The following CTNND1 variants were observed in gnomAD, a reference collection of about 807,000 sequenced individuals.
The protein encoded by CTNND1 is catenin delta-1.
Under a neutral mutation model 112.1 loss-of-function variants are expected in CTNND1, and 16 were observed. That is an observed-to-expected ratio of 0.14 (90% CI 0.10 to 0.22). CTNND1 has a LOEUF of 0.22. Among genes scored for constraint, CTNND1 ranks in the 10% least tolerant of loss-of-function variants. The probability of loss-of-function intolerance (pLI) is 1.00; values close to 1 mark genes in which losing one functional copy is unlikely to be tolerated. For synonymous variants in CTNND1, 420 were observed against 446.5 expected, an observed-to-expected ratio of 0.94 and a Z score of 0.75; for missense variants, 1,008 against 1,257.0, an observed-to-expected ratio of 0.80 and a Z score of 3.00.
At chr11:57,807,626 A>G (rs397813060) in intron 12 of CTNND1, among the ~76,000 whole-genome samples, 1 of 151,110 alleles carries the variant, frequency 6.6e-6, no homozygotes, top group African/African-American at 2.4e-5. Flanking sequence ...AAAAAAAAAA[A>G]AAAAAGAAAA....
intron 1 of CTNND1, among the ~76,000 whole-genome samples, chr11:57,772,470 T>C (rs1952934317): frequency 6.6e-6 from 1 of 152,170 alleles, no homozygotes; most frequent in Non-Finnish European, 1.5e-5. Flanking sequence ...TTGTTGAGAA[T>C]TCATGGCTTT....
chr11:57,772,915 C>G (rs1046280120), intron 1 of CTNND1, among the ~76,000 whole-genome samples: 1 of 151,966 alleles, frequency 6.6e-6, no homozygotes, highest in African/African-American at 2.4e-5. Context: ...GGCTCTTAAC[C>G]TGGTTACCCT....
intron 1 of CTNND1, among the ~76,000 whole-genome samples, chr11:57,772,360 T>C (rs1457197894): frequency 6.6e-6 from 1 of 152,130 alleles, no homozygotes; most frequent in Non-Finnish European, 1.5e-5. Context: ...AATTTATTGG[T>C]TTGGTTTATG....
At chr11:57,769,662 G>A (rs574843257) in intron 1 of CTNND1, among the ~76,000 whole-genome samples, 3 of 150,746 alleles carry the variant, frequency 2.0e-5, no homozygotes, top group Non-Finnish European at 4.4e-5. Flanking sequence ...TTTCCCTTTA[G>A]GTTTTCCCTT....
Position 57,801,709 on chromosome 11 carries a change from C to T in CTNND1, c.957-24C>T, listed in dbSNP as rs549797388. The stretch of plus-strand genomic sequence containing the variant: ...TAGCCATAATGACTTGATGTATTCT[C>T]TTGGTTCTTCCAAAACTTCTCAGGA... On this transcript the variant is annotated intron_variant, in intron 6 of 20. Coordinates refer to ENST00000399050, the MANE Select transcript of CTNND1 (RefSeq NM_001085458.2). 3 of 1,589,504 alleles carry T rather than the reference C, an allele frequency of 1.9e-6. No homozygotes were observed. The African/African-American group carries it at 4.0e-5, about 21-fold the overall frequency.
At chr11:57,791,963 G>A (rs1374756307) in intron 3 of CTNND1, among the ~76,000 whole-genome samples, 2 of 152,016 alleles carry the variant, frequency 1.3e-5, no homozygotes, top group Non-Finnish European at 2.9e-5. Flanking sequence ...AGTTTAGTTT[G>A]CAGCTGTACT....
chr11:57,805,948 G>A lies in CTNND1; in HGVS notation c.1789G>A (p.Ala597Thr), dbSNP rs1381259527. ...SYQVHREIPQ[A>T]ERYQEAAPNV... ...TCAAGTTCACCGGGAGATCCCACAG[G>A]CAGAGCGTTACCAAGAGGCAGCTCC... Residue 597 changes from alanine to threonine, a missense_variant, in exon 10 of 21, where the codon GCA becomes ACA. By Grantham distance (58) the Ala-to-Thr change is moderately conservative. Coordinates refer to ENST00000399050, the MANE Select transcript of CTNND1 (RefSeq NM_001085458.2). 6.2e-7 allele frequency: 1 copy of A among 1,613,392 alleles called. No homozygotes were observed. The highest frequency in any genetic ancestry group is 2.2e-5 in the East Asian group (1 of 44,894).
chr11:57,770,639 G>A (rs1443666378), intron 1 of CTNND1, among the ~76,000 whole-genome samples: 1 of 151,316 alleles, frequency 6.6e-6, no homozygotes, highest in Non-Finnish European at 1.5e-5. Flanking sequence ...GCGAGAGAGT[G>A]AGACTCCATC....
At chr11:57,783,731 G>C (rs1222069487) in intron 1 of CTNND1, among the ~76,000 whole-genome samples, 1 of 151,930 alleles carries the variant, frequency 6.6e-6, no homozygotes, top group Non-Finnish European at 1.5e-5. Context: ...TGGCAAGTTT[G>C]TTTGTGGTTG....
intron 1 of CTNND1, among the ~76,000 whole-genome samples, chr11:57,770,270 C>T (rs369031216): frequency 3.3e-5 from 5 of 151,530 alleles, no homozygotes; most frequent in East Asian, 3.9e-4. Context: ...GTGGAGGTTG[C>T]GGCGAGTGGA....
chr11:57,766,759 A>AT (rs1341463656), intron 1 of CTNND1, among the ~76,000 whole-genome samples: 1 of 152,012 alleles, frequency 6.6e-6, no homozygotes, highest in Non-Finnish European at 1.5e-5. Context: ...TTCGGAAGTA[A>AT]TTTTTTTCCC....
intron 14 of CTNND1, 27 bp from the exon 15 acceptor site, chr11:57,809,247 C>G (rs746699611): frequency 6.4e-7 from 1 of 1,568,942 alleles, no homozygotes; most frequent in Non-Finnish European, 8.8e-7. Flanking sequence ...TTGATCTTTT[C>G]TCCCTGCATA....
Position 57,801,981 on chromosome 11 carries a change from C to T in CTNND1, c.1205C>T (p.Thr402Ile). The change falls in exon 7 of 21, where the codon ACT (threonine) becomes ATT (isoleucine). Residue 402 changes from threonine to isoleucine, a missense_variant. Transcript: ENST00000399050. ...TGCTACCGCAATGACAAGGTGAAGA[C>T]TGACGTGCGGAAGCTCAAGGGCATC... is the stretch of plus-strand genomic sequence containing the variant. ...HLCYRNDKVK[T>I]DVRKLKGIPV... The T allele has an allele frequency of 6.2e-7, 1 of 1,614,064 alleles. No homozygotes were observed. The highest frequency in any genetic ancestry group is 2.2e-5 in the East Asian group (1 of 44,890).
chr11:57,789,148 C>T lies in CTNND1; in HGVS notation c.-102C>T, dbSNP rs1424983655. ...TTAAACCAATCAGTTGCGACCTTCT[C>T]TTAACAGGTGTGTATGGAAATATGT... On this transcript the variant is annotated 5_prime_UTR_variant, in exon 2 of 21. Coordinates refer to ENST00000399050, the MANE Select transcript of CTNND1 (RefSeq NM_001085458.2). 1 of 1,521,638 alleles carries T rather than the reference C, an allele frequency of 6.6e-7. No individual in the cohort carries two copies. The highest frequency in any genetic ancestry group is 8.8e-7 in the Non-Finnish European group (1 of 1,137,232). The allele number at this position is 1,521,638 out of a possible 1,614,324, so 94.3% of individuals were successfully genotyped here.
chr11:57,793,349 AT>A (rs2060980590), intron 3 of CTNND1: 1 of 152,214 alleles, frequency 6.6e-6, no homozygotes, highest in African/African-American at 2.4e-5. Flanking sequence ...GGCTCTAATA[AT>A]TGTTGGTAAA....
chr11:57,806,578 T>A, intron 11 of CTNND1, 100 bp downstream of exon 11: 1 of 1,091,282 alleles, frequency 9.2e-7, no homozygotes, highest in Non-Finnish European at 1.4e-6. Context: ...TGTCTATGCA[T>A]GTAGGAAAGT....
intron 1 of CTNND1, among the ~76,000 whole-genome samples, chr11:57,768,334 G>A (rs1951627188): frequency 6.6e-6 from 1 of 150,486 alleles, no homozygotes; most frequent in Non-Finnish European, 1.5e-5. Context: ...AAAGTGAAGT[G>A]TCAGTGGGAG....
At chr11:57,814,930 A>G (rs1233770013) in intron 18 of CTNND1, among the ~76,000 whole-genome samples, 1 of 151,954 alleles carries the variant, frequency 6.6e-6, no homozygotes, top group Non-Finnish European at 1.5e-5. Flanking sequence ...TTATTATGTC[A>G]TATTCTGGGT....
In CTNND1 at chr11:57,806,035, G is replaced by A. The variant is rs1445631082; in HGVS notation, c.1876G>A (p.Asp626Asn). The A allele has an allele frequency of 6.2e-7, 1 of 1,608,516 alleles. No individual in the cohort carries two copies. The highest frequency in any genetic ancestry group is 8.5e-7 in the Non-Finnish European group (1 of 1,177,098). Reference sequence around the variant, plus strand: ...TTGCTTTGGGGCCAAGAAGGGCAAAGGTGAGTCTTGGTTCCTGTTTCTTAG... The same window carrying A: ...TTGCTTTGGGGCCAAGAAGGGCAAAAGTGAGTCTTGGTTCCTGTTTCTTAG... ...ASCFGAKKGK[D>N]EWFSRGKKPI... The change falls in exon 10 of 21, where the codon GAT becomes AAT. Residue 626 changes from aspartate to asparagine, a missense_variant and splice_region_variant. Physicochemically the swap from Asp to Asn is conservative, Grantham distance 23. Around this residue, in one of 5 missense-constraint regions of CTNND1, gnomAD observed 254 missense variants for 279.5 expected, o/e 0.91. Transcript: ENST00000399050.
Sources: gnomAD v4.1 joint callset for allele counts (sites outside exome capture counted in the v4.1 genomes callset) on GRCh38, gnomAD v4.1.1 for gene constraint, gnomAD v4.1.1 regional missense constraint, MANE v1.5 for transcripts, NCBI Gene and HGNC (gene_info 2026-07-23, HGNC 2026-07-21) for gene names.